Variants in TNC observed in about 807,000 individuals in gnomAD.
TNC encodes tenascin.
A neutral mutation model predicts 202.4 loss-of-function variants in TNC; 109 were observed. The ratio of observed to expected loss-of-function variants is 0.54; its 90% CI spans 0.46 to 0.63. TNC has a LOEUF of 0.63. Ranked by LOEUF, TNC falls within the 30% of genes least tolerant of loss-of-function variation. The probability of loss-of-function intolerance (pLI) is 0.00; values close to 1 mark genes in which losing one functional copy is unlikely to be tolerated. For synonymous variants in TNC, 1,007 were observed against 1,089.7 expected, an observed-to-expected ratio of 0.92 and a Z score of 1.50; for missense variants, 2,756 against 2,833.3, an observed-to-expected ratio of 0.97 and a Z score of 0.62.
chr9:115,087,530 G>A (rs1162156070), intron 2 of TNC, among the ~76,000 whole-genome samples: 2 of 6,152 alleles, frequency 3.3e-4, no homozygotes, highest in African/African-American at 6.7e-4. Flanking sequence ...GCATAGGGGT[G>A]TGTGTGTGTG....
chr9:115,077,793 G>T, intron 7 of TNC, 150 bp downstream of exon 7: 1 of 820,342 alleles, frequency 1.2e-6, no homozygotes, highest in Non-Finnish European at 1.8e-6. Flanking sequence ...TTAATAAATT[G>T]CTACAATATT....
chr9:115,114,742 A>G (rs1837331182), intron 1 of TNC, among the ~76,000 whole-genome samples: 1 of 152,216 alleles, frequency 6.6e-6, no homozygotes. Context: ...ACAGTGGGGT[A>G]TTAGTTAGAA....
intron 9 of TNC, among the ~76,000 whole-genome samples, chr9:115,074,242 T>C (rs1264878531): frequency 6.6e-6 from 1 of 152,250 alleles, no homozygotes; most frequent in African/African-American, 2.4e-5. Flanking sequence ...GCTGTATTGC[T>C]ATGCACTGAA....
At chr9:115,092,794 C>T (rs778087375) in intron 1 of TNC, among the ~76,000 whole-genome samples, 16 of 151,208 alleles carry the variant, frequency 1.1e-4, no homozygotes, top group Non-Finnish European at 2.2e-4. Flanking sequence ...CCATGTTCCC[C>T]AGGCTGGTCC....
intron 15 of TNC, chr9:115,052,737 T>A (rs779857462): frequency 1.4e-6 from 1 of 700,770 alleles, no homozygotes; most frequent in Admixed American, 2.0e-5. Context: ...TCTGATTGAG[T>A]ACCTGTAATG....
intron 11 of TNC, among the ~76,000 whole-genome samples, chr9:115,064,400 C>A (rs867093009): frequency 6.6e-6 from 1 of 152,164 alleles, no homozygotes; most frequent in African/African-American, 2.4e-5. Flanking sequence ...AGGCCCTCTG[C>A]ATGGGAGCTG....
chr9:115,035,398 G>T, intron 21 of TNC, 64 bp from the exon 22 acceptor site: 4 of 1,545,842 alleles, frequency 2.6e-6, no homozygotes, highest in East Asian at 2.4e-5. Flanking sequence ...AATTCGGGCT[G>T]GGTATCAAGA....
rs757054419 is a variant in TNC at position 115,084,294 on chromosome 9, C to T, written c.2046G>A (p.Leu682=). Residue 682 remains leucine, a synonymous_variant, in exon 4 of 28, where the codon CTG becomes CTA. Coordinates refer to ENST00000350763, the MANE Select transcript of TNC (RefSeq NM_002160.4). The part of the protein sequence containing the change: ...GDQTSTIIQE[L]EPGVEYFIRV... Reference sequence around the variant, plus strand: ...GGATAAAGTACTCCACACCAGGCTCCAGCTCCTGGATGATGGTGGACGTCT... The same window carrying T: ...GGATAAAGTACTCCACACCAGGCTCTAGCTCCTGGATGATGGTGGACGTCT... 52 of 1,614,154 alleles carry T rather than the reference C, an allele frequency of 3.2e-5. No homozygotes were observed. In the South Asian group the frequency reaches 5.4e-4, roughly 17 times the overall value.
At chr9:115,044,242 G>T (rs776391576) in intron 17 of TNC, among the ~76,000 whole-genome samples, 5 of 148,484 alleles carry the variant, frequency 3.4e-5, no homozygotes, top group African/African-American at 5.0e-5. Context: ...GAGGGAGGAA[G>T]AGAGGAGAGG....
chr9:115,058,418 A>G (rs1025096453), intron 14 of TNC, among the ~76,000 whole-genome samples: 6 of 152,242 alleles, frequency 3.9e-5, no homozygotes, highest in African/African-American at 1.4e-4. Flanking sequence ...AGAAAAACAC[A>G]CACACATAAA....
intron 23 of TNC, among the ~76,000 whole-genome samples, chr9:115,031,231 G>T (rs1829924077): frequency 1.3e-5 from 2 of 152,216 alleles, no homozygotes. Flanking sequence ...CACTTGCAAG[G>T]TCCTGGTGAC....
In TNC at chr9:115,099,225, C is replaced by T. The variant is rs554350511; in HGVS notation, c.-136-8071G>A. Among the ~76,000 whole-genome samples the T allele has an allele frequency of 1.9e-4, 29 of 152,168 alleles. No homozygotes were observed. In the South Asian group the frequency reaches 6.0e-3, roughly 32 times the overall value. ...TTGCATTCAACAGAGATGTGTTGAA[C>T]AAGTGTAAGAACGGGCTATGGGATA... On this transcript the variant is annotated intron_variant, in intron 1 of 27. Coordinates refer to ENST00000350763, the MANE Select transcript of TNC (RefSeq NM_002160.4).
At chr9:115,045,270 A>ATT (rs1225471973) in intron 17 of TNC, among the ~76,000 whole-genome samples, 2 of 152,168 alleles carry the variant, frequency 1.3e-5, no homozygotes, top group Middle Eastern at 3.2e-3. Context: ...TCATGAAATA[A>ATT]TTTACTTGAC....
At chr9:115,047,532 G>A (rs546810151) in intron 16 of TNC, among the ~76,000 whole-genome samples, 82 of 152,236 alleles carry the variant, frequency 5.4e-4, no homozygotes, top group Non-Finnish European at 9.6e-4. Flanking sequence ...GATGATGCAC[G>A]TTAGGGTGTT....
Position 115,041,313 on chromosome 9 carries a change from GGAA to G in TNC, c.5249-232_5249-230del, listed in dbSNP as rs1234624126. 2.7e-4 allele frequency among the ~76,000 whole-genome samples: 36 copies of G among 134,664 alleles called. 1 individual carries two copies. The highest frequency in any genetic ancestry group is 1.2e-3 in the African/African-American group (36 of 29,964). 88.3% of individuals were successfully genotyped at this position (134,664 alleles called of 152,430 possible). A position where few individuals can be genotyped will look rare whatever the true frequency, so the allele number is the denominator to read the frequency against. On this transcript the variant is annotated intron_variant, in intron 18 of 27. Coordinates refer to ENST00000350763, the MANE Select transcript of TNC (RefSeq NM_002160.4). ...CAAAAACAAAGCCAGGAGGGGCGGG[GGAA>G]AACATGAAGTCACAACGTACTAAAA...
In TNC at chr9:115,059,860, G is replaced by A. The variant is rs1209205040; in HGVS notation, c.4176C>T (p.Asn1392=). 2.5e-6 allele frequency: 4 copies of A among 1,614,134 alleles called. No individual in the cohort carries two copies. Among genetic ancestry groups the A allele is most frequent in the Non-Finnish European group, 3.4e-6 (4 of 1,180,038 alleles). The change falls in exon 14 of 28, where the codon AAC becomes AAT. Residue 1392 remains asparagine, a synonymous_variant. Coordinates refer to ENST00000350763, the MANE Select transcript of TNC (RefSeq NM_002160.4). ...CCCTGAGGCTGCCAGGCAACGTGAG[G>A]TTCTGGGCTGCCTCCACTTTGTTGA... ...QEVNKVEAAQ[N]LTLPGSLRAV... is the part of the protein sequence containing the mutation.
intron 25 of TNC, among the ~76,000 whole-genome samples, chr9:115,027,085 G>C (rs1339767006): frequency 2.7e-5 from 4 of 148,584 alleles, no homozygotes; most frequent in Admixed American, 6.8e-5. Flanking sequence ...TTCCAGCCTG[G>C]GTGACAGAGC....
chr9:115,078,762 T>G (rs1834075278), intron 6 of TNC, among the ~76,000 whole-genome samples: 1 of 152,216 alleles, frequency 6.6e-6, no homozygotes, highest in African/African-American at 2.4e-5. Context: ...TTTCAAGCCT[T>G]GCCTGTTTTT....
chr9:115,100,804 C>T (rs1040222913), intron 1 of TNC, among the ~76,000 whole-genome samples: 1 of 152,096 alleles, frequency 6.6e-6, no homozygotes, highest in Non-Finnish European at 1.5e-5. Context: ...GTAATCATAT[C>T]ACAATGTATA....
Sources: gnomAD v4.1 joint callset for allele counts (sites outside exome capture counted in the v4.1 genomes callset) on GRCh38, gnomAD v4.1.1 for gene constraint, MANE v1.5 for transcripts, NCBI Gene and HGNC (gene_info 2026-07-23, HGNC 2026-07-21) for gene names.